Variants in CLIC5 observed in about 807,000 individuals in gnomAD.
CLIC5 encodes the protein chloride intracellular channel protein 5.
A neutral mutation model predicts 24.7 loss-of-function variants in CLIC5; 20 were observed. The observed-to-expected ratio is 0.81, with a 90% confidence interval of 0.57 to 1.18. CLIC5 has a LOEUF of 1.18. Ranked by LOEUF, CLIC5 falls within the 50% of genes most tolerant of loss-of-function variation. CLIC5 has a pLI of 0.00. For synonymous variants in CLIC5, 159 were observed against 135.6 expected, an observed-to-expected ratio of 1.17 and a Z score of -1.20; for missense variants, 341 against 326.1, an observed-to-expected ratio of 1.05 and a Z score of -0.35.
chr6:45,921,816 G>A (rs1763272709), intron 4 of CLIC5, among the ~76,000 whole-genome samples: 1 of 152,180 alleles, frequency 6.6e-6, no homozygotes, highest in South Asian at 2.1e-4. Flanking sequence ...ACATGGGTGT[G>A]TCACATTTTC....
rs751858034 is a variant in CLIC5, at chr6:45,987,305, T to C, written c.63+28175A>G. The stretch of plus-strand genomic sequence containing the variant: ...ATGCTTTTCTGCTGCCCTTTAAAGT[T>C]AGATTCCAGTTGGTGTGCACACCTA... On this transcript the variant is annotated intron_variant, in intron 1 of 5. Transcript: ENST00000339561. Among the ~76,000 whole-genome samples, 4 of 152,218 alleles carry C rather than the reference T, an allele frequency of 2.6e-5. No individual in the cohort carries two copies. In the South Asian group the frequency reaches 6.2e-4, roughly 24 times the overall value.
chr6:46,033,718 T>G (rs1767575832), intron 1 of CLIC5, among the ~76,000 whole-genome samples: 1 of 152,240 alleles, frequency 6.6e-6, no homozygotes, highest in Non-Finnish European at 1.5e-5. Context: ...TAAGTTTCTA[T>G]TCATAGAGGA....
At chr6:45,989,404 T>A (rs1449935394) in intron 1 of CLIC5, among the ~76,000 whole-genome samples, 1 of 152,190 alleles carries the variant, frequency 6.6e-6, no homozygotes. Context: ...AAGTCAGAAT[T>A]GCTTTGAAAT....
downstream of CLIC5, among the ~76,000 whole-genome samples, chr6:45,893,850 T>C (rs370553315): frequency 3.3e-5 from 5 of 152,332 alleles, no homozygotes; most frequent in Admixed American, 2.0e-4. Flanking sequence ...GTAATCCTTA[T>C]GTGGACTAAA....
At chr6:46,035,533 C>G (rs7771217) in intron 1 of CLIC5, among the ~76,000 whole-genome samples, 2,901 of 152,244 alleles carry the variant, frequency 0.019, 113 homozygotes, top group African/African-American at 0.067. Flanking sequence ...GATATTGAAT[C>G]TTGCAGAATT....
chr6:46,092,143 C>T, the CLIC5 span, among the ~76,000 whole-genome samples: 1 of 152,274 alleles, frequency 6.6e-6, no homozygotes, highest in East Asian at 1.9e-4. Context: ...TTCTATTGTA[C>T]ACCTGAGGAA....
At chr6:46,076,093 G>T (rs116275468) in intron 1 of CLIC5, among the ~76,000 whole-genome samples, 2,268 of 152,216 alleles carry the variant, frequency 0.015, 66 homozygotes, top group African/African-American at 0.051. Context: ...TAAAAAGGTG[G>T]CCATACTGTT....
chr6:46,129,362 T>C, the CLIC5 span: 1 of 152,234 alleles, frequency 6.6e-6, no homozygotes, highest in Admixed American at 6.5e-5. Context: ...ATTATTCTAT[T>C]AAATAACCTT....
intron 1 of CLIC5, among the ~76,000 whole-genome samples, chr6:45,986,384 T>C (rs571224188): frequency 5.5e-4 from 84 of 152,320 alleles, no homozygotes; most frequent in African/African-American, 2.0e-3. Flanking sequence ...TACTCCCAGC[T>C]TGGCCAATGA....
intron 2 of CLIC5, among the ~76,000 whole-genome samples, chr6:45,954,384 A>C (rs7454113): frequency 0.022 from 3,304 of 152,294 alleles, 70 homozygotes; most frequent in East Asian, 0.086. Context: ...TTAGACATAC[A>C]TGATAAGAGA....
At chr6:46,128,898 T>C in the CLIC5 span, among the ~76,000 whole-genome samples, 4 of 152,204 alleles carry the variant, frequency 2.6e-5, no homozygotes, top group African/African-American at 9.6e-5. Context: ...AATACATCTA[T>C]TGCCAAATCA....
At chr6:46,048,199 T>C (rs994180624) in intron 1 of CLIC5, among the ~76,000 whole-genome samples, 2 of 152,140 alleles carry the variant, frequency 1.3e-5, no homozygotes, top group Admixed American at 1.3e-4. Context: ...GACAGGGTTT[T>C]GCCATATTGG....
At chr6:46,076,284 G>A (rs1261945164) in intron 1 of CLIC5, among the ~76,000 whole-genome samples, 3 of 152,112 alleles carry the variant, frequency 2.0e-5, no homozygotes, top group African/African-American at 7.2e-5. Flanking sequence ...CCTACTTACC[G>A]TCACTCTCCA....
chr6:46,001,857 CAG>C (rs1189551974), intron 1 of CLIC5, among the ~76,000 whole-genome samples: 3 of 152,162 alleles, frequency 2.0e-5, no homozygotes, highest in Non-Finnish European at 4.4e-5. Flanking sequence ...CTGGATTAAA[CAG>C]AGTGTCACCA....
chr6:45,968,558 C>T (rs1398953710), intron 1 of CLIC5, among the ~76,000 whole-genome samples: 5 of 152,034 alleles, frequency 3.3e-5, no homozygotes, highest in Non-Finnish European at 4.4e-5. Flanking sequence ...CAATGGATGC[C>T]CCAGACCAAA....
chr6:46,067,613 C>G (rs1258479428), intron 1 of CLIC5, among the ~76,000 whole-genome samples: 2 of 152,174 alleles, frequency 1.3e-5, no homozygotes, highest in Non-Finnish European at 2.9e-5. Context: ...AGTTGCTGTG[C>G]AAATCCTCAA....
rs58729329 is a variant in CLIC5 at position 45,974,522 on chromosome 6, TAGAGAGAGAGAGAGAGAG to T, written c.64-19296_64-19279del. On this transcript the variant is annotated intron_variant, in intron 1 of 5. Transcript: ENST00000339561. ...GTATATATATATATATATATATATA[TAGAGAGAGAGAGAGAGAG>T]AGAGAGAGAGAGAGAGAGAGAGAGA... is the stretch of plus-strand genomic sequence containing the variant. Among the ~76,000 whole-genome samples the T allele has an allele frequency of 8.6e-4, 57 of 66,006 alleles. 1 individual carries two copies. The highest frequency in any genetic ancestry group is 3.1e-3 in the African/African-American group (49 of 16,022). The allele number at this position is 66,006 out of a possible 152,430, so 43.3% of individuals were successfully genotyped here.
intron 4 of CLIC5, among the ~76,000 whole-genome samples, chr6:45,925,069 A>G (rs1014026173): frequency 5.9e-5 from 9 of 152,138 alleles, no homozygotes; most frequent in African/African-American, 2.2e-4. Context: ...CAGCAACTAC[A>G]TTTGCCTGGA....
At chr6:45,891,914 A>G (rs1010363694) in intron 6 of CLIC5, among the ~76,000 whole-genome samples, 2 of 152,242 alleles carry the variant, frequency 1.3e-5, no homozygotes, top group African/African-American at 4.8e-5. Context: ...TAAAACAAAC[A>G]ACTGAGAAAA....
Sources: gnomAD v4.1 joint callset for allele counts (sites outside exome capture counted in the v4.1 genomes callset) on GRCh38, gnomAD v4.1.1 for gene constraint, MANE v1.5 for transcripts, NCBI Gene and HGNC (gene_info 2026-07-23, HGNC 2026-07-21) for gene names.